Variants in REEP4 observed in about 807,000 individuals in gnomAD.
REEP4 encodes the protein receptor expression-enhancing protein 4.
In REEP4, 17 loss-of-function variants were observed where a neutral mutation model predicts 33.5. The observed-to-expected ratio is 0.51, with a 90% confidence interval of 0.35 to 0.76. The LOEUF (loss-of-function observed/expected upper bound fraction) is 0.76, where lower values mean the gene tolerates loss of function less well. REEP4 is among the 30% of genes least tolerant of loss of function. The pLI is 0.01. For synonymous variants in REEP4, 157 were observed against 142.9 expected (o/e 1.10, Z -0.70); for missense variants, 340 against 357.9 (o/e 0.95, Z 0.40).
At chr8:22,139,902 T>A in intron 4 of REEP4, 61 bp downstream of exon 4, 1 of 1,545,538 alleles carries the variant, frequency 6.5e-7, no homozygotes, top group Non-Finnish European at 8.7e-7. Flanking sequence ...AAATCCCAGG[T>A]CCAGGGCTCT....
chr8:22,139,785 T>A, intron 4 of REEP4, 178 bp downstream of exon 4: 2 of 820,478 alleles, frequency 2.4e-6, no homozygotes, highest in Non-Finnish European at 3.8e-6. Flanking sequence ...CATTCATGTG[T>A]ACCCCCACCT....
rs752730700 is a variant in REEP4, at chr8:22,138,812, G to A, written c.554-19C>T. The A allele has an allele frequency of 6.3e-7, 1 of 1,580,718 alleles. No homozygotes were observed. Among genetic ancestry groups the A allele is most frequent in the Non-Finnish European group, 8.6e-7 (1 of 1,166,658 alleles). On this transcript the variant is annotated intron_variant, in intron 6 of 7. Coordinates refer to ENST00000306306, the MANE Select transcript of REEP4 (RefSeq NM_025232.4). Reference sequence around the variant, plus strand: ...CGGTACCCTGTGTGGAGGAGGAGGTGAAGCTGAAAGCCTGCGACCAGGCCA... The same window carrying A: ...CGGTACCCTGTGTGGAGGAGGAGGTAAAGCTGAAAGCCTGCGACCAGGCCA...
chr8:22,139,852 C>T, intron 4 of REEP4, 111 bp downstream of exon 4: 2 of 1,335,846 alleles, frequency 1.5e-6, no homozygotes, highest in African/African-American at 1.5e-5. Context: ...CCCTCAATAG[C>T]AGCAGGACTG....
intron 4 of REEP4, 108 bp from the exon 5 acceptor site, chr8:22,139,637 C>T: frequency 3.3e-6 from 3 of 898,668 alleles, no homozygotes; most frequent in Non-Finnish European, 3.3e-6. Flanking sequence ...AGCCCAGCCC[C>T]ACCTGGTGCC....
chr8:22,140,369 T>C (rs1042515968), intron 2 of REEP4, 121 bp from the exon 3 acceptor site: 2 of 1,029,474 alleles, frequency 1.9e-6, no homozygotes, highest in African/African-American at 3.2e-5. Flanking sequence ...CCCCCACACA[T>C]GGCTGGACAG....
At position 22,138,941 on chromosome 8, in the gene REEP4, G is replaced by A. The variant is rs201870669; in HGVS notation, c.538C>T (p.Arg180Trp). ...GCCCGCTCACCAATGGGTGGCCTCC[G>A]GTGGGACACCTGGTCCTCCAGGTAG... ...PLYLEDQVSH[R>W]RPPIGYRAGG... Residue 180 changes from arginine (R) to tryptophan (W), a missense_variant, in exon 6 of 8, where the codon CGG (arginine) becomes TGG (tryptophan). Arg to Trp is a moderately radical substitution (Grantham distance 101). Transcript: ENST00000306306. The A allele has an allele frequency of 2.0e-4, 317 of 1,592,664 alleles. No individual in the cohort carries two copies. Among genetic ancestry groups the A allele is most frequent in the Non-Finnish European group, 2.6e-4 (305 of 1,171,548 alleles).
Position 22,138,630 on chromosome 8 carries a change from C to T in REEP4, c.708+9G>A. ...GCCCTCCTCCCTCCTGTCGTCCTCCCACACTGACCTCCCGCACCGGTGGCT... is the reference window on the plus strand; with the variant it reads ...GCCCTCCTCCCTCCTGTCGTCCTCCTACACTGACCTCCCGCACCGGTGGCT... On this transcript the variant is annotated intron_variant, in intron 7 of 7. Coordinates refer to ENST00000306306, the MANE Select transcript of REEP4 (RefSeq NM_025232.4). 2 of 1,614,008 alleles carry T rather than the reference C, an allele frequency of 1.2e-6. No homozygotes were observed. Among genetic ancestry groups the T allele is most frequent in the South Asian group, 1.1e-5 (1 of 91,086 alleles).
Position 22,138,344 on chromosome 8 carries a change from C to T in REEP4, c.*143G>A, listed in dbSNP as rs575487432. On this transcript the variant is annotated 3_prime_UTR_variant, in exon 8 of 8. Coordinates refer to ENST00000306306, the MANE Select transcript of REEP4 (RefSeq NM_025232.4). ...ATGTGGCCTTGGCAGCATCTGCTCCCGGCCCTTAACCATCAGCAGGAGTCA... is the reference window on the plus strand; with the variant it reads ...ATGTGGCCTTGGCAGCATCTGCTCCTGGCCCTTAACCATCAGCAGGAGTCA... 11 of 958,442 alleles carry T rather than the reference C, an allele frequency of 1.1e-5. No homozygotes were observed. The highest frequency in any genetic ancestry group is 1.6e-5 in the Non-Finnish European group (10 of 614,384). 59.4% of individuals were successfully genotyped at this position (958,442 alleles called of 1,614,324 possible). A position where few individuals can be genotyped will look rare whatever the true frequency, so the allele number is the denominator to read the frequency against.
At position 22,138,120 on chromosome 8, in the gene REEP4, G is replaced by T. The variant is rs1433958861; in HGVS notation, c.*367C>A. 1.0e-5 allele frequency: 6 copies of T among 582,316 alleles called. No individual in the cohort carries two copies. In the East Asian group the frequency reaches 1.7e-4, roughly 17 times the overall value. The allele number at this position is 582,316 out of a possible 1,614,324, so 36.1% of individuals were successfully genotyped here. ...ACACATGTGCCAGGCCTTATGAAAGGCTATCAAGTACTTTGAAGGACAGGA... is the reference window on the plus strand; with the variant it reads ...ACACATGTGCCAGGCCTTATGAAAGTCTATCAAGTACTTTGAAGGACAGGA... On this transcript the variant is annotated 3_prime_UTR_variant, in exon 8 of 8. Coordinates refer to ENST00000306306, the MANE Select transcript of REEP4 (RefSeq NM_025232.4).
Position 22,138,547 on chromosome 8 carries a change from G to A in REEP4, c.714C>T (p.Thr238=), listed in dbSNP as rs777645140. The A allele has an allele frequency of 1.5e-5, 25 of 1,613,794 alleles. No individual in the cohort carries two copies. The highest frequency in any genetic ancestry group is 2.7e-5 in the African/African-American group (2 of 74,944). Residue 238 remains threonine (T), a synonymous_variant, in exon 8 of 8, where the codon ACC becomes ACT. Coordinates refer to ENST00000306306, the MANE Select transcript of REEP4 (RefSeq NM_025232.4). ...TCGTCCGAACCTTCAGGGAGCGCGA[G>A]GTGCCCTGGGGAAAGGGGAGGCACA... ...VKRKPPVREG[T]SRSLKVRTRK...
chr8:22,139,085 C>T (rs764496990), intron 5 of REEP4, 24 bp from the exon 6 acceptor site: 122 of 1,560,818 alleles, frequency 7.8e-5, no homozygotes, highest in Non-Finnish European at 1.0e-4. Context: ...GAGGCTTCAG[C>T]GGGGAGGCTG....
intron 5 of REEP4, 153 bp downstream of exon 5, chr8:22,139,263 T>C (rs1229369594): frequency 1.1e-6 from 1 of 935,770 alleles, no homozygotes; most frequent in Admixed American, 2.0e-5. Context: ...AAGGTCTGAC[T>C]CCAGCTCCAC....
Position 22,140,637 on chromosome 8 carries a change from G to A in REEP4, c.93C>T (p.Asn31=). The A allele has an allele frequency of 6.2e-7, 1 of 1,613,836 alleles. No individual in the cohort carries two copies. The highest frequency in any genetic ancestry group is 1.1e-5 in the South Asian group (1 of 91,064). The stretch of plus-strand genomic sequence containing the variant: ...CCCCCACGCTCACATATTCACGAAT[G>A]TTCTTGGTCTTCACAGCCTTATAGG... ...YASYKAVKTK[N]IREYVRWMMY... The change falls in exon 2 of 8, where the codon AAC becomes AAT. Residue 31 remains asparagine, a synonymous_variant. Coordinates refer to ENST00000306306, the MANE Select transcript of REEP4 (RefSeq NM_025232.4).
At chr8:22,139,725 C>T (rs1410527820) in intron 4 of REEP4, 196 bp from the exon 5 acceptor site, 3 of 678,076 alleles carry the variant, frequency 4.4e-6, no homozygotes, top group South Asian at 3.8e-5. Context: ...AGTGGCCATG[C>T]TCCAGCTGCC....
chr8:22,139,093 C>A, intron 5 of REEP4, 32 bp from the exon 6 acceptor site: 1 of 1,559,718 alleles, frequency 6.4e-7, no homozygotes, highest in Admixed American at 1.9e-5. Flanking sequence ...AGCGGGGAGG[C>A]TGCCCAGGGA....
Position 22,140,156 on chromosome 8 carries a change from G to C in REEP4, c.182+16C>G, listed in dbSNP as rs1224184143. On this transcript the variant is annotated intron_variant, in intron 3 of 7. Transcript: ENST00000306306. The stretch of plus-strand genomic sequence containing the variant: ...GGCCACCCCTGACCCATGGCTTGCG[G>C]ACCCTGCGTCCATACCAGGAGATAA... The C allele has an allele frequency of 6.2e-7, 1 of 1,613,820 alleles. No individual in the cohort carries two copies. Among genetic ancestry groups the C allele is most frequent in the African/African-American group, 1.3e-5 (1 of 74,928 alleles).
Position 22,141,498 on chromosome 8 carries a change from G to A in REEP4, c.-16C>T. The A allele has an allele frequency of 6.3e-7, 1 of 1,589,368 alleles. No homozygotes were observed. Among genetic ancestry groups the A allele is most frequent in the Non-Finnish European group, 8.6e-7 (1 of 1,169,110 alleles). ...AGGACACCATCTTGCCGGCCTTTGG[G>A]ACGTGGGGAGGACCCCAGGAAGCCG... is the stretch of plus-strand genomic sequence containing the variant. On this transcript the variant is annotated 5_prime_UTR_variant, in exon 1 of 8. Coordinates refer to ENST00000306306, the MANE Select transcript of REEP4 (RefSeq NM_025232.4).
rs540343154 is a variant in REEP4 at position 22,139,842 on chromosome 8, C to G, written c.303+121G>C. The G allele has an allele frequency of 4.0e-6, 5 of 1,236,536 alleles. No homozygotes were observed. In the South Asian group the frequency reaches 7.3e-5, roughly 18 times the overall value. The allele number at this position is 1,236,536 out of a possible 1,614,324, so 76.6% of individuals were successfully genotyped here. On this transcript the variant is annotated intron_variant, in intron 4 of 7. Transcript: ENST00000306306. ...AGGCTGGGCCCTGTCAAGGTCCTGC[C>G]CCTCAATAGCAGCAGGACTGGGATA...
At position 22,141,437 on chromosome 8, in the gene REEP4, G is replaced by A; in HGVS notation, c.32+14C>T. 1.2e-6 allele frequency: 2 copies of A among 1,601,906 alleles called. No homozygotes were observed. Among genetic ancestry groups the A allele is most frequent in the Non-Finnish European group, 1.7e-6 (2 of 1,174,800 alleles). On this transcript the variant is annotated intron_variant, in intron 1 of 7. Transcript: ENST00000306306. Reference sequence around the variant, plus strand: ...ACCCCGGGGTAGAGGAGGTCTGAGGGCGGCCATACTCACACCACCAGGCGA... The same window carrying A: ...ACCCCGGGGTAGAGGAGGTCTGAGGACGGCCATACTCACACCACCAGGCGA...
Sources: allele counts gnomAD v4.1 joint callset, GRCh38; gene constraint gnomAD v4.1.1; transcripts MANE v1.5; gene names NCBI Gene and HGNC (gene_info 2026-07-23, HGNC 2026-07-21).